ICA1L: variants seen among roughly 807,000 people sequenced by gnomAD.
ICA1L encodes islet cell autoantigen 1-like protein.
A neutral mutation model predicts 61.3 loss-of-function variants in ICA1L; 50 were observed. That is an observed-to-expected ratio of 0.82 (90% confidence interval 0.65 to 1.03). The LOEUF is 1.03. Among genes scored for constraint, ICA1L ranks in the 50% least tolerant of loss-of-function variants. The pLI is 0.00. For missense variants in ICA1L, 508 were observed against 556.7 expected, an observed-to-expected ratio of 0.91 and a Z score of 0.88; for synonymous variants, 161 against 191.3, an observed-to-expected ratio of 0.84 and a Z score of 1.31.
intron 1 of ICA1L, among the ~76,000 whole-genome samples, chr2:202,834,936 T>C (rs1559142501): frequency 2.0e-5 from 3 of 152,072 alleles, no homozygotes; most frequent in African/African-American, 7.2e-5. Context: ...GCTCAAGTAA[T>C]CCTCCCACCT....
At position 202,798,422 on chromosome 2, in the gene ICA1L, G is replaced by A. The variant is rs554728457; in HGVS notation, c.911-1458C>T. Among the ~76,000 whole-genome samples the A allele has an allele frequency of 3.3e-5, 5 of 152,068 alleles. No individual in the cohort carries two copies. The South Asian group carries it at 1.0e-3, about 32-fold the overall frequency. On this transcript the variant is annotated intron_variant, in intron 9 of 12. Transcript: ENST00000358299. Reference sequence around the variant, plus strand: ...CCTGAATAATTTTTTTAAATTTTTTGTAGAAACAGGGTCTCACTATGTTAC... The same window carrying A: ...CCTGAATAATTTTTTTAAATTTTTTATAGAAACAGGGTCTCACTATGTTAC...
At chr2:202,827,171 A>G (rs1234282876) in intron 2 of ICA1L, among the ~76,000 whole-genome samples, 1 of 152,146 alleles carries the variant, frequency 6.6e-6, no homozygotes, top group African/African-American at 2.4e-5. Context: ...AGGCGGGTGG[A>G]TCGCCTGAGG....
chr2:202,824,132 G>C (rs532452300), intron 3 of ICA1L, among the ~76,000 whole-genome samples: 2 of 152,286 alleles, frequency 1.3e-5, no homozygotes, highest in South Asian at 4.2e-4. Context: ...GCGAGGTGCA[G>C]TGGCTCACAC....
At chr2:202,840,444 T>C (rs918144928) in intron 1 of ICA1L, 2 of 495,488 alleles carry the variant, frequency 4.0e-6, no homozygotes, top group Non-Finnish European at 8.0e-6. Context: ...ATGGAGCCCA[T>C]GCCAGAGCCA....
intron 10 of ICA1L, among the ~76,000 whole-genome samples, chr2:202,793,783 T>C (rs1336942215): frequency 2.0e-5 from 3 of 151,470 alleles, no homozygotes; most frequent in Non-Finnish European, 4.4e-5. Flanking sequence ...GGTCAGGAGT[T>C]TGAGACCAGC....
At chr2:202,841,591 C>A in intron 1 of ICA1L, 1 of 679,546 alleles carries the variant, frequency 1.5e-6, no homozygotes, top group East Asian at 3.0e-5. Context: ...TGATGCTTCC[C>A]ATGCCACTGG....
In ICA1L at chr2:202,825,768, C is replaced by G; in HGVS notation, c.163-1G>C. On this transcript the variant is annotated splice_acceptor_variant, in intron 2 of 12. Transcript: ENST00000358299. LOFTEE classifies it high-confidence loss of function. ...ATGTCTCTTGAACAGAGTGAAAAAC[C>G]TTGAGATATAAATTTTATTAGGACA... 6.5e-7 allele frequency: 1 copy of G among 1,541,848 alleles called. No homozygotes were observed. Among genetic ancestry groups the G allele is most frequent in the Non-Finnish European group, 8.8e-7 (1 of 1,139,854 alleles).
intron 1 of ICA1L, 31 bp from the exon 2 acceptor site, chr2:202,829,047 T>C (rs759055849): frequency 1.3e-6 from 2 of 1,508,742 alleles, no homozygotes; most frequent in African/African-American, 1.4e-5. Flanking sequence ...TTAAACTTCT[T>C]TTAAAAATTC....
intron 11 of ICA1L, among the ~76,000 whole-genome samples, chr2:202,787,502 T>C (rs991671204): frequency 1.3e-5 from 2 of 152,198 alleles, no homozygotes; most frequent in African/African-American, 4.8e-5. Context: ...CCAGATAGAG[T>C]GCCTCTTTAT....
At chr2:202,828,298 T>C (rs1249405463) in intron 2 of ICA1L, among the ~76,000 whole-genome samples, 1 of 151,126 alleles carries the variant, frequency 6.6e-6, no homozygotes, top group Non-Finnish European at 1.5e-5. Context: ...TTTAATTCAT[T>C]TATATTACAC....
chr2:202,822,832 G>A (rs1003539431), intron 3 of ICA1L, among the ~76,000 whole-genome samples: 8 of 152,110 alleles, frequency 5.3e-5, no homozygotes, highest in African/African-American at 1.9e-4. Context: ...GTGACCCAAG[G>A]AGAGCACAAT....
intron 12 of ICA1L, among the ~76,000 whole-genome samples, chr2:202,784,124 C>G (rs1245564434): frequency 6.6e-6 from 1 of 152,184 alleles, no homozygotes; most frequent in Non-Finnish European, 1.5e-5. Context: ...GCACCAGAAT[C>G]AATAATTTCA....
rs190037462 is a variant in ICA1L, at chr2:202,800,561, T to C, written c.911-3597A>G. 9.8e-5 allele frequency among the ~76,000 whole-genome samples: 15 copies of C among 152,326 alleles called. No individual in the cohort carries two copies. The East Asian group carries it at 2.7e-3, about 27-fold the overall frequency. ...TTCCATCTCTATGTCATTGGTTTACTCAGTATAGACACACATAGAGACAAA... is the reference window on the plus strand; with the variant it reads ...TTCCATCTCTATGTCATTGGTTTACCCAGTATAGACACACATAGAGACAAA... On this transcript the variant is annotated intron_variant, in intron 9 of 12. Coordinates refer to ENST00000358299, the MANE Select transcript of ICA1L (RefSeq NM_001288622.3).
rs79909344 is a variant in ICA1L, at chr2:202,820,494, G to T, written c.360-595C>A. Among the ~76,000 whole-genome samples, 1,335 of 152,176 alleles carry T rather than the reference G, an allele frequency of 8.8e-3. 17 individuals carry two copies. Among genetic ancestry groups the T allele is most frequent in the Non-Finnish European group, 0.011 (774 of 68,000 alleles). On this transcript the variant is annotated intron_variant, in intron 4 of 12. Transcript: ENST00000358299. ...ACCTGCCAAGTAAATCTGCCATTTAGAAAACAGTTCTGAGGGGAACAGAGA... is the reference window on the plus strand; with the variant it reads ...ACCTGCCAAGTAAATCTGCCATTTATAAAACAGTTCTGAGGGGAACAGAGA...
chr2:202,808,514 A>C (rs1693288756), intron 9 of ICA1L, among the ~76,000 whole-genome samples: 1 of 152,140 alleles, frequency 6.6e-6, no homozygotes, highest in Non-Finnish European at 1.5e-5. Context: ...GATCTGCTCT[A>C]GGCTGGGGAG....
At chr2:202,801,827 T>C (rs1262933047) in intron 9 of ICA1L, among the ~76,000 whole-genome samples, 1 of 152,228 alleles carries the variant, frequency 6.6e-6, no homozygotes, top group Non-Finnish European at 1.5e-5. Flanking sequence ...AAATAGGCTC[T>C]GGAAGAGGGT....
chr2:202,822,267 T>G (rs1047224433), intron 3 of ICA1L, among the ~76,000 whole-genome samples: 10 of 152,146 alleles, frequency 6.6e-5, no homozygotes, highest in Non-Finnish European at 1.3e-4. Flanking sequence ...GCTCAAGTGA[T>G]CCTCCTGCCT....
intron 10 of ICA1L, among the ~76,000 whole-genome samples, chr2:202,792,756 A>G (rs901528454): frequency 1.3e-5 from 2 of 152,136 alleles, no homozygotes; most frequent in African/African-American, 4.8e-5. Flanking sequence ...GTGGGCCAAG[A>G]TCGCGCCACT....
At position 202,786,021 on chromosome 2, in the gene ICA1L, A is replaced by T; in HGVS notation, c.1244-14T>A. On this transcript the variant is annotated splice_polypyrimidine_tract_variant and intron_variant, in intron 11 of 12. Coordinates refer to ENST00000358299, the MANE Select transcript of ICA1L (RefSeq NM_001288622.3). ...GGGAGACCCAGTCTGGGATAAAAGA[A>T]GTAAAAATTGTCCATTGTTAATCAA... is the stretch of plus-strand genomic sequence containing the variant. 1 of 1,499,150 alleles carries T rather than the reference A, an allele frequency of 6.7e-7. No individual in the cohort carries two copies. The highest frequency in any genetic ancestry group is 9.2e-7 in the Non-Finnish European group (1 of 1,085,816). 92.9% of individuals were successfully genotyped at this position (1,499,150 alleles called of 1,614,324 possible). A position where few individuals can be genotyped will look rare whatever the true frequency, so the allele number is the denominator to read the frequency against.
Sources: gnomAD v4.1 joint callset for allele counts (sites outside exome capture counted in the v4.1 genomes callset) on GRCh38, gnomAD v4.1.1 for gene constraint, MANE v1.5 for transcripts, NCBI Gene and HGNC (gene_info 2026-07-23, HGNC 2026-07-21) for gene names.